The following TBRG1 variants were observed in gnomAD, a reference collection of about 807,000 sequenced individuals.
TBRG1 encodes transforming growth factor beta regulator 1.
In TBRG1, 31 loss-of-function variants were observed where a neutral mutation model predicts 44.0. The ratio of observed to expected loss-of-function variants is 0.70; its 90% CI spans 0.53 to 0.95. The LOEUF (loss-of-function observed/expected upper bound fraction) is 0.95. Among genes scored for constraint, TBRG1 ranks in the 40% least tolerant of loss-of-function variants. The probability of loss-of-function intolerance (pLI) is 0.00; values close to 1 mark genes in which losing one functional copy is unlikely to be tolerated. For missense variants in TBRG1, 487 were observed against 496.1 expected (o/e 0.98, Z 0.18); for synonymous variants, 171 against 188.1 (o/e 0.91, Z 0.74).
rs1046285554 is a variant in TBRG1, at chr11:124,633,670, G to A, written c.*1432G>A. On this transcript the variant is annotated 3_prime_UTR_variant, in exon 9 of 9. Coordinates refer to ENST00000441174, the MANE Select transcript of TBRG1 (RefSeq NM_032811.3). ...TTTGAGTATAGTCTTTTTATAAGTT[G>A]TATACACTTTACAATGTAAAAGAAA... 3 of 152,198 alleles carry A rather than the reference G, an allele frequency of 2.0e-5. No homozygotes were observed. Among genetic ancestry groups the A allele is most frequent in the African/African-American group, 7.2e-5 (3 of 41,436 alleles). The allele number at this position is 152,198 out of a possible 1,614,324, so 9.4% of individuals were successfully genotyped here.
chr11:124,630,892 C>A, intron 7 of TBRG1, 37 bp downstream of exon 7: 1 of 1,390,982 alleles, frequency 7.2e-7, no homozygotes. Context: ...GAGAAAAGCT[C>A]AGTGATCATC....
chr11:124,622,917 CG>C lies in TBRG1; in HGVS notation c.-164del. On this transcript the variant is annotated 5_prime_UTR_variant, in exon 1 of 9. Transcript: ENST00000441174. The stretch of plus-strand genomic sequence containing the variant: ...GAGGCGCCGGGAGCCCGTTCGGTTG[CG>C]GGTGTCTCTGGCCCTGCGGTCAGCC... 2.9e-6 allele frequency: 2 copies of C among 694,542 alleles called. No homozygotes were observed. Among genetic ancestry groups the C allele is most frequent in the Non-Finnish European group, 4.6e-6 (2 of 436,220 alleles). 43.0% of individuals were successfully genotyped at this position (694,542 alleles called of 1,614,324 possible).
At chr11:124,628,094 TATATATATATATATATATATATAC>T (rs747422107) in intron 5 of TBRG1, among the ~76,000 whole-genome samples, 4,105 of 84,558 alleles carry the variant, frequency 0.049, 71 homozygotes, top group Non-Finnish European at 0.061. Context: ...TATATATATA[TATATATATATATATATATATATAC>T]ACACACACAC....
chr11:124,623,412 C>A, intron 1 of TBRG1, 179 bp downstream of exon 1: 1 of 738,702 alleles, frequency 1.4e-6, no homozygotes, highest in Non-Finnish European at 2.4e-6. Context: ...GTGTCCTCAT[C>A]TGTAAATGAG....
At chr11:124,623,374 G>A (rs1387130482) in intron 1 of TBRG1, 141 bp downstream of exon 1, 1 of 938,922 alleles carries the variant, frequency 1.1e-6, no homozygotes, top group South Asian at 1.4e-5. Flanking sequence ...TTAGCCTTGT[G>A]TCCTTGGACA....
rs911129268 is a variant in TBRG1 at position 124,622,925 on chromosome 11, T to C, written c.-159T>C. 25 of 774,994 alleles carry C rather than the reference T, an allele frequency of 3.2e-5. No homozygotes were observed. The highest frequency in any genetic ancestry group is 3.9e-4 in the Middle Eastern group (1 of 2,570). 48.0% of individuals were successfully genotyped at this position (774,994 alleles called of 1,614,324 possible). ...GGGAGCCCGTTCGGTTGCGGGTGTC[T>C]CTGGCCCTGCGGTCAGCCCTGGGAA... On this transcript the variant is annotated 5_prime_UTR_variant, in exon 1 of 9. Coordinates refer to ENST00000441174, the MANE Select transcript of TBRG1 (RefSeq NM_032811.3).
chr11:124,631,497 C>G, intron 8 of TBRG1, 80 bp downstream of exon 8: 2 of 1,399,526 alleles, frequency 1.4e-6, no homozygotes, highest in Non-Finnish European at 2.0e-6. Flanking sequence ...AGCCGAGTAC[C>G]CTAAATATCT....
At chr11:124,630,141 C>A in intron 5 of TBRG1, 1 of 413,094 alleles carries the variant, frequency 2.4e-6, no homozygotes, top group Non-Finnish European at 4.6e-6. Flanking sequence ...AGGTACACAA[C>A]AAATTAAACG....
chr11:124,623,458 G>T, intron 1 of TBRG1: 2 of 658,836 alleles, frequency 3.0e-6, no homozygotes, highest in Non-Finnish European at 5.5e-6. Context: ...AATATTAAAT[G>T]AGTAAAGAAA....
In TBRG1 at chr11:124,634,713, A is replaced by C. The variant is rs2134343540; in HGVS notation, c.*2475A>C. 1 of 152,324 alleles carries C rather than the reference A, an allele frequency of 6.6e-6. No individual in the cohort carries two copies. The highest frequency in any genetic ancestry group is 2.1e-4 in the South Asian group (1 of 4,822). The allele number at this position is 152,324 out of a possible 1,614,324, so 9.4% of individuals were successfully genotyped here. A position where few individuals can be genotyped will look rare whatever the true frequency, so the allele number is the denominator to read the frequency against. On this transcript the variant is annotated 3_prime_UTR_variant, in exon 9 of 9. Coordinates refer to ENST00000441174, the MANE Select transcript of TBRG1 (RefSeq NM_032811.3). ...TAAAATGAGGCTTCCACAAACTGAA[A>C]CACTCTAAATCTATATTCTATTATT...
chr11:124,630,804 C>T lies in TBRG1; in HGVS notation c.896C>T (p.Pro299Leu). Residue 299 changes from proline to leucine, a missense_variant, in exon 7 of 9, where the codon CCA becomes CTA. Pro to Leu is a moderately conservative substitution (Grantham distance 98). Coordinates refer to ENST00000441174, the MANE Select transcript of TBRG1 (RefSeq NM_032811.3). ...GCTGACTTTTTTGGATTTTCTCATCCAGCCATCCACAACCTGATCCAGAGC... is the reference window on the plus strand; with the variant it reads ...GCTGACTTTTTTGGATTTTCTCATCTAGCCATCCACAACCTGATCCAGAGC... ...AGADFFGFSH[P>L]AIHNLIQSCP... 1.2e-6 allele frequency: 2 copies of T among 1,606,556 alleles called. No homozygotes were observed. The highest frequency in any genetic ancestry group is 1.7e-6 in the Non-Finnish European group (2 of 1,176,388).
rs775511656 is a variant in TBRG1 at position 124,630,742 on chromosome 11, T to C, written c.837-3T>C. On this transcript the variant is annotated splice_polypyrimidine_tract_variant and splice_region_variant and intron_variant, in intron 6 of 8. Transcript: ENST00000441174. ...AAACTAAAATTATCCCTCTCCTGTT[T>C]AGGGGGAAACTAATGCCTAACCTGC... 25 of 1,597,576 alleles carry C rather than the reference T, an allele frequency of 1.6e-5. No individual in the cohort carries two copies. The South Asian group carries it at 2.6e-4, about 17-fold the overall frequency.
intron 5 of TBRG1, among the ~76,000 whole-genome samples, 181 bp downstream of exon 5, chr11:124,627,231 G>A (rs753413806): frequency 1.3e-5 from 2 of 152,228 alleles, no homozygotes; most frequent in Non-Finnish European, 2.9e-5. Context: ...GAGTTTGGAT[G>A]TGAATCTATT....
chr11:124,628,572 T>C (rs1407458092), intron 5 of TBRG1, among the ~76,000 whole-genome samples: 4 of 140,206 alleles, frequency 2.9e-5, no homozygotes, highest in Non-Finnish European at 6.2e-5. Flanking sequence ...ACAGTGCAGA[T>C]GGTAAAGTGT....
chr11:124,625,062 A>G, intron 2 of TBRG1, 61 bp downstream of exon 2: 1 of 1,215,822 alleles, frequency 8.2e-7, no homozygotes, highest in Non-Finnish European at 1.2e-6. Flanking sequence ...GGTGATTGAT[A>G]ATGGTGTTAC....
At position 124,625,744 on chromosome 11, in the gene TBRG1, A is replaced by G; in HGVS notation, c.295A>G (p.Ser99Gly). ...GEVQAAAPSH[S>G]SSLPLTYGVA... Reference sequence around the variant, plus strand: ...AGTACAGGCTGCAGCTCCTTCCCACAGTTCCAGTTTGCCCCTGACTTATGG... The same window carrying G: ...AGTACAGGCTGCAGCTCCTTCCCACGGTTCCAGTTTGCCCCTGACTTATGG... Residue 99 changes from serine to glycine, a missense_variant, in exon 3 of 9, where the codon AGT becomes GGT. Physicochemically the swap from Ser to Gly is moderately conservative, Grantham distance 56. Coordinates refer to ENST00000441174, the MANE Select transcript of TBRG1 (RefSeq NM_032811.3). 6.4e-7 allele frequency: 1 copy of G among 1,562,408 alleles called. No homozygotes were observed.
At chr11:124,626,737 TC>T in intron 4 of TBRG1, 128 bp downstream of exon 4, 1 of 1,421,454 alleles carries the variant, frequency 7.0e-7, no homozygotes, top group Non-Finnish European at 9.7e-7. Context: ...GTATCTCCAG[TC>T]CCTGCAAAAC....
In TBRG1 at chr11:124,633,445, G is replaced by A. The variant is rs1942653988; in HGVS notation, c.*1207G>A. 6.6e-6 allele frequency: 1 copy of A among 152,322 alleles called. No homozygotes were observed. 9.4% of individuals were successfully genotyped at this position (152,322 alleles called of 1,614,324 possible). A position where few individuals can be genotyped will look rare whatever the true frequency, so the allele number is the denominator to read the frequency against. ...GGAGGGACAAAAGGACCCAGAAGTA[G>A]AAGAATGGGGATGGAGTGGTGAGAA... On this transcript the variant is annotated 3_prime_UTR_variant, in exon 9 of 9. Transcript: ENST00000441174.
Position 124,623,183 on chromosome 11 carries a change from T to C in TBRG1, c.100T>C (p.Tyr34His). The change falls in exon 1 of 9, where the codon TAC (tyrosine) becomes CAC (histidine). Residue 34 changes from tyrosine to histidine, a missense_variant. Transcript: ENST00000441174. ...CCCGAAGAAGAGCCAGAATGAGAAG[T>C]ACCGGCTGAAGTACCTGCGGCTGCG... ...KLPKKSQNEK[Y>H]RLKYLRLRKA... 6.4e-7 allele frequency: 1 copy of C among 1,551,702 alleles called. No individual in the cohort carries two copies. The highest frequency in any genetic ancestry group is 8.7e-7 in the Non-Finnish European group (1 of 1,146,998).
Sources: allele counts gnomAD v4.1 joint callset (sites outside exome capture counted in the v4.1 genomes callset), GRCh38; gene constraint gnomAD v4.1.1; transcripts MANE v1.5; gene names NCBI Gene and HGNC (gene_info 2026-07-23, HGNC 2026-07-21).